Variants in EXT1 observed in about 807,000 individuals in gnomAD.
EXT1 encodes the protein exostosin-1.
In EXT1, 20 loss-of-function variants were observed where a neutral mutation model predicts 82.5. The ratio of observed to expected loss-of-function variants is 0.24; its 90% CI spans 0.17 to 0.35. EXT1 has a LOEUF of 0.35. Ranked by LOEUF, EXT1 falls within the 10% of genes least tolerant of loss-of-function variation. The probability of loss-of-function intolerance (pLI) is 1.00; values close to 1 mark genes in which losing one functional copy is unlikely to be tolerated. For synonymous variants in EXT1, 348 were observed against 350.8 expected, an observed-to-expected ratio of 0.99 and a Z score of 0.09; for missense variants, 757 against 936.5, an observed-to-expected ratio of 0.81 and a Z score of 2.50.
intron 1 of EXT1, among the ~76,000 whole-genome samples, chr8:117,946,163 T>A (rs1388257008): frequency 6.6e-6 from 1 of 152,178 alleles, no homozygotes; most frequent in Non-Finnish European, 1.5e-5. Flanking sequence ...CATTCCAAAG[T>A]GCTGGGATTA....
chr8:118,016,235 T>TA (rs762760040), intron 1 of EXT1, among the ~76,000 whole-genome samples: 6 of 151,674 alleles, frequency 4.0e-5, no homozygotes, highest in East Asian at 3.9e-4. Flanking sequence ...CTACCAAAAA[T>TA]AAAAAAAATT....
Position 117,960,871 on chromosome 8 carries a change from G to C in EXT1, c.963-123670C>G, listed in dbSNP as rs185251038. 1.7e-4 allele frequency among the ~76,000 whole-genome samples: 26 copies of C among 152,182 alleles called. 2 individuals are homozygous for C. Among genetic ancestry groups the C allele is most frequent in the African/African-American group, 5.8e-4 (24 of 41,530 alleles). On this transcript the variant is annotated intron_variant, in intron 1 of 10. Coordinates refer to ENST00000378204, the MANE Select transcript of EXT1 (RefSeq NM_000127.3). ...ACTGAAGAGCTACAAGAAATCCTTT[G>C]TTTTTCAAATAATAGCGGGGAAAAA... is the stretch of plus-strand genomic sequence containing the variant.
intron 1 of EXT1, among the ~76,000 whole-genome samples, chr8:117,936,234 G>C (rs1473698707): frequency 6.6e-6 from 1 of 152,320 alleles, no homozygotes; most frequent in African/African-American, 2.4e-5. Context: ...CTTCTGAGCA[G>C]ATGAGGACCT....
intron 1 of EXT1, among the ~76,000 whole-genome samples, chr8:118,030,200 T>G (rs1394532655): frequency 6.7e-6 from 1 of 150,276 alleles, no homozygotes; most frequent in Admixed American, 6.6e-5. Context: ...GGTGATTTTG[T>G]GAGAAGGGAT....
rs1813932127 is a variant in EXT1, at chr8:117,925,321, A to G, written c.963-88120T>C. ...ATTTAGTATGGTCTCTGGCACACACATAATTGTTGAAGAATGAGTGAATCA... is the reference window on the plus strand; with the variant it reads ...ATTTAGTATGGTCTCTGGCACACACGTAATTGTTGAAGAATGAGTGAATCA... On this transcript the variant is annotated intron_variant, in intron 1 of 10. Transcript: ENST00000378204. Among the ~76,000 whole-genome samples, 4 of 151,766 alleles carry G rather than the reference A, an allele frequency of 2.6e-5. No individual in the cohort carries two copies. The South Asian group carries it at 8.4e-4, about 32-fold the overall frequency.
intron 1 of EXT1, among the ~76,000 whole-genome samples, chr8:118,062,504 A>G (rs1462949675): frequency 1.3e-5 from 2 of 152,150 alleles, no homozygotes; most frequent in African/African-American, 2.4e-5. Flanking sequence ...TTTGGTCTAA[A>G]TACATGACTG....
At chr8:117,990,601 G>T (rs910744678) in intron 1 of EXT1, among the ~76,000 whole-genome samples, 1 of 152,222 alleles carries the variant, frequency 6.6e-6, no homozygotes, top group Non-Finnish European at 1.5e-5. Context: ...AAGACCCACA[G>T]ATCCAGTGCT....
At chr8:117,939,668 G>A (rs1483553835) in intron 1 of EXT1, among the ~76,000 whole-genome samples, 1 of 152,032 alleles carries the variant, frequency 6.6e-6, no homozygotes, top group African/African-American at 2.4e-5. Flanking sequence ...TAATGGAGCT[G>A]GAATTTGACT....
At chr8:117,845,565 A>T (rs376290950) in intron 1 of EXT1, among the ~76,000 whole-genome samples, 27,177 of 141,520 alleles carry the variant, frequency 0.19, 2,754 homozygotes, top group Non-Finnish European at 0.23. Context: ...GTAAAAAAAA[A>T]AAATAAATAA....
At chr8:117,909,613 G>C (rs1465388746) in intron 1 of EXT1, among the ~76,000 whole-genome samples, 1 of 152,138 alleles carries the variant, frequency 6.6e-6, no homozygotes, top group Non-Finnish European at 1.5e-5. Flanking sequence ...GCCCGACATG[G>C]ATCTGAAAGC....
At chr8:117,872,071 T>G (rs925261555) in intron 1 of EXT1, among the ~76,000 whole-genome samples, 1 of 147,642 alleles carries the variant, frequency 6.8e-6, no homozygotes, top group Non-Finnish European at 1.5e-5. Flanking sequence ...GCTCAGTAGA[T>G]AGAGGCTGCA....
intron 1 of EXT1, among the ~76,000 whole-genome samples, chr8:117,945,945 C>T (rs1260452420): frequency 6.6e-6 from 1 of 152,156 alleles, no homozygotes; most frequent in Admixed American, 6.5e-5. Context: ...TCCTTTTGCC[C>T]AGGCTGGAGT....
intron 1 of EXT1, among the ~76,000 whole-genome samples, chr8:118,008,357 T>C (rs1815823691): frequency 1.3e-5 from 2 of 152,138 alleles, no homozygotes; most frequent in South Asian, 4.1e-4. Context: ...CCTCCCTGGT[T>C]CAAGCGATTC....
intron 1 of EXT1, among the ~76,000 whole-genome samples, chr8:117,947,147 C>A (rs1586302620): frequency 6.6e-6 from 1 of 152,228 alleles, no homozygotes; most frequent in East Asian, 1.9e-4. Context: ...TGTGTGTAAT[C>A]CACATAAACT....
chr8:118,049,123 C>A lies in EXT1; in HGVS notation c.962+60962G>T, dbSNP rs543420954. On this transcript the variant is annotated intron_variant, in intron 1 of 10. Coordinates refer to ENST00000378204, the MANE Select transcript of EXT1 (RefSeq NM_000127.3). ...AAAAATATTTTTAAAAGAAAAAAAA[C>A]AGGTAGAAGTTAATTTTTTCTTTAT... Among the ~76,000 whole-genome samples, 6 of 152,084 alleles carry A rather than the reference C, an allele frequency of 3.9e-5. No individual in the cohort carries two copies. The East Asian group carries it at 9.7e-4, about 24-fold the overall frequency.
At chr8:117,909,956 C>T (rs1474238185) in intron 1 of EXT1, among the ~76,000 whole-genome samples, 2 of 152,122 alleles carry the variant, frequency 1.3e-5, no homozygotes, top group African/African-American at 4.8e-5. Context: ...TTAGTAGAGA[C>T]GGGGTTTCAC....
chr8:117,923,619 G>A (rs916635039), intron 1 of EXT1, among the ~76,000 whole-genome samples: 1 of 151,546 alleles, frequency 6.6e-6, no homozygotes, highest in East Asian at 2.0e-4. Context: ...CCAGCTACTC[G>A]GGAGGCTGAG....
intron 1 of EXT1, among the ~76,000 whole-genome samples, chr8:118,026,117 C>T (rs1278589204): frequency 1.3e-5 from 2 of 152,118 alleles, no homozygotes; most frequent in African/African-American, 4.8e-5. Flanking sequence ...ACAGATGTTT[C>T]CACCTGTACA....
At chr8:118,008,961 C>G (rs1424278074) in intron 1 of EXT1, among the ~76,000 whole-genome samples, 1 of 152,106 alleles carries the variant, frequency 6.6e-6, no homozygotes, top group Non-Finnish European at 1.5e-5. Context: ...CATCTCTTAT[C>G]TACGCAAGTA....
Sources: allele counts gnomAD v4.1 joint callset (sites outside exome capture counted in the v4.1 genomes callset), GRCh38; gene constraint gnomAD v4.1.1; transcripts MANE v1.5; gene names NCBI Gene and HGNC (gene_info 2026-07-23, HGNC 2026-07-21).